Variants in SLC35F1 observed in about 807,000 individuals in gnomAD.
SLC35F1 encodes chromosome 6 open reading frame 169.
A neutral mutation model predicts 48.7 loss-of-function variants in SLC35F1; 14 were observed. That is an observed-to-expected ratio of 0.29 (90% CI 0.19 to 0.45). The LOEUF is 0.45. Among genes scored for constraint, SLC35F1 ranks in the 20% least tolerant of loss-of-function variants. The probability of loss-of-function intolerance (pLI) is 1.00; values close to 1 mark genes in which losing one functional copy is unlikely to be tolerated. For missense variants in SLC35F1, 404 were observed against 500.0 expected, an observed-to-expected ratio of 0.81 and a Z score of 1.83; for synonymous variants, 190 against 202.2, an observed-to-expected ratio of 0.94 and a Z score of 0.51.
intron 1 of SLC35F1, among the ~76,000 whole-genome samples, chr6:118,130,472 A>G (rs543047733): frequency 1.3e-3 from 200 of 152,282 alleles, no homozygotes; most frequent in African/African-American, 4.7e-3. Flanking sequence ...CTCCATCTCA[A>G]ACAAACAAAA....
At chr6:118,124,359 G>A (rs2114407896) in intron 1 of SLC35F1, among the ~76,000 whole-genome samples, 1 of 152,188 alleles carries the variant, frequency 6.6e-6, no homozygotes, top group East Asian at 1.9e-4. Flanking sequence ...AAATCTGATT[G>A]ACTTGGTTTA....
intron 1 of SLC35F1, among the ~76,000 whole-genome samples, chr6:118,131,067 G>A (rs112003042): frequency 2.6e-5 from 4 of 152,054 alleles, no homozygotes; most frequent in African/African-American, 9.7e-5. Flanking sequence ...AGAAGGTTGG[G>A]CATAGTCAGC....
intron 1 of SLC35F1, among the ~76,000 whole-genome samples, chr6:118,052,907 T>C (rs1316291796): frequency 6.6e-6 from 1 of 152,152 alleles, no homozygotes; most frequent in Non-Finnish European, 1.5e-5. Flanking sequence ...TTACATGAGG[T>C]TGTTCTTTCC....
At chr6:117,976,088 T>G (rs762630131) in intron 1 of SLC35F1, among the ~76,000 whole-genome samples, 24 of 152,224 alleles carry the variant, frequency 1.6e-4, no homozygotes, top group Non-Finnish European at 3.4e-4. Flanking sequence ...ATCTAAATAA[T>G]CAGGAATTCT....
chr6:118,285,161 C>T (rs1776034141), intron 6 of SLC35F1, 23 bp from the exon 7 acceptor site: 1 of 1,609,082 alleles, frequency 6.2e-7, no homozygotes, highest in African/African-American at 1.3e-5. Flanking sequence ...CCTGACGCTG[C>T]CTTCTCTTTA....
intron 1 of SLC35F1, among the ~76,000 whole-genome samples, chr6:117,952,480 T>A (rs1776374800): frequency 6.6e-6 from 1 of 152,366 alleles, no homozygotes; most frequent in Non-Finnish European, 1.5e-5. Context: ...AGGATTTTTC[T>A]TTTTCTTAAA....
chr6:117,907,465 G>T lies in SLC35F1; in HGVS notation c.-262G>T. On this transcript the variant is annotated 5_prime_UTR_variant, in exon 1 of 8. Transcript: ENST00000360388. ...GGGCGGGCCAGGACTTGGGGACGCG[G>T]CTCGGGAAGAGCCGGGGCGGGCGGC... 4.0e-6 allele frequency: 1 copy of T among 250,578 alleles called. No individual in the cohort carries two copies. The highest frequency in any genetic ancestry group is 8.2e-5 in the East Asian group (1 of 12,164). The allele number at this position is 250,578 out of a possible 1,614,324, so 15.5% of individuals were successfully genotyped here.
chr6:117,909,428 A>G (rs1775736279), intron 1 of SLC35F1, among the ~76,000 whole-genome samples: 3 of 152,184 alleles, frequency 2.0e-5, no homozygotes, highest in Non-Finnish European at 4.4e-5. Context: ...TTGCTCAATT[A>G]TAAGTTATTA....
At chr6:118,122,868 C>T (rs1223640929) in intron 1 of SLC35F1, among the ~76,000 whole-genome samples, 2 of 152,158 alleles carry the variant, frequency 1.3e-5, no homozygotes, top group East Asian at 1.9e-4. Flanking sequence ...GAATAAGGCA[C>T]AGGGAAGAGT....
At chr6:118,082,435 A>T (rs1032177684) in intron 1 of SLC35F1, among the ~76,000 whole-genome samples, 1 of 152,230 alleles carries the variant, frequency 6.6e-6, no homozygotes, top group East Asian at 1.9e-4. Context: ...CCTGGAGTTT[A>T]TCACTGATAG....
At chr6:117,929,041 G>A (rs1562240821) in intron 1 of SLC35F1, among the ~76,000 whole-genome samples, 2 of 151,840 alleles carry the variant, frequency 1.3e-5, no homozygotes, top group Non-Finnish European at 2.9e-5. Flanking sequence ...TGAAACTTAC[G>A]AGATCACCAC....
At chr6:118,248,573 G>A (rs1234954156) in intron 3 of SLC35F1, among the ~76,000 whole-genome samples, 1 of 152,090 alleles carries the variant, frequency 6.6e-6, no homozygotes, top group Non-Finnish European at 1.5e-5. Flanking sequence ...GATGGAGAAA[G>A]GGGCTACAAG....
intron 6 of SLC35F1, among the ~76,000 whole-genome samples, chr6:118,279,494 A>C (rs1775956330): frequency 1.3e-5 from 2 of 152,208 alleles, no homozygotes. Context: ...TAAGTGAGCA[A>C]ATGAATGAAT....
At chr6:117,923,945 CACTT>C (rs1332950328) in intron 1 of SLC35F1, among the ~76,000 whole-genome samples, 16 of 149,710 alleles carry the variant, frequency 1.1e-4, no homozygotes, top group Admixed American at 2.7e-4. Context: ...ACTAGATTGA[CACTT>C]TATATATACA....
At chr6:118,144,700 A>C (rs1012387542) in intron 1 of SLC35F1, among the ~76,000 whole-genome samples, 9 of 152,108 alleles carry the variant, frequency 5.9e-5, no homozygotes, top group African/African-American at 2.2e-4. Context: ...GTATTACGGA[A>C]GAAAATATTA....
intron 1 of SLC35F1, among the ~76,000 whole-genome samples, chr6:118,012,576 T>G (rs906000801): frequency 1.3e-5 from 2 of 152,214 alleles, no homozygotes; most frequent in African/African-American, 4.8e-5. Flanking sequence ...GCTAACTTGC[T>G]AAGTGTCTCC....
intron 1 of SLC35F1, among the ~76,000 whole-genome samples, chr6:117,982,054 C>T (rs772741920): frequency 1.9e-4 from 29 of 152,254 alleles, no homozygotes; most frequent in Admixed American, 5.9e-4. Flanking sequence ...TACAAAAATA[C>T]GAGATTCATA....
intron 1 of SLC35F1, among the ~76,000 whole-genome samples, chr6:118,060,504 T>C (rs1273649887): frequency 8.5e-5 from 13 of 152,142 alleles, no homozygotes; most frequent in Admixed American, 8.5e-4. Flanking sequence ...CCCACATTTC[T>C]GTTAGGTTTG....
chr6:118,203,676 G>C (rs1054137614), intron 2 of SLC35F1, among the ~76,000 whole-genome samples: 1 of 152,168 alleles, frequency 6.6e-6, no homozygotes, highest in African/African-American at 2.4e-5. Context: ...TGTCAATAGA[G>C]AGACACCAGA....
Sources: gnomAD v4.1 joint callset for allele counts (sites outside exome capture counted in the v4.1 genomes callset) on GRCh38, gnomAD v4.1.1 for gene constraint, MANE v1.5 for transcripts, NCBI Gene and HGNC (gene_info 2026-07-23, HGNC 2026-07-21) for gene names.